NGF: variants seen among roughly 807,000 people sequenced by gnomAD.
NGF encodes the protein beta-nerve growth factor.
A neutral mutation model predicts 12.8 loss-of-function variants in NGF; 4 were observed. The ratio of observed to expected loss-of-function variants is 0.31; its 90% CI spans 0.15 to 0.72. The LOEUF (loss-of-function observed/expected upper bound fraction) is 0.72, where lower values mean the gene tolerates loss of function less well. NGF is among the 30% of genes least tolerant of loss of function. The pLI, the probability that NGF is intolerant of heterozygous loss-of-function variation, is 0.69. For missense variants in NGF, 283 were observed against 330.8 expected (o/e 0.86, Z 1.12); for synonymous variants, 140 against 130.0 (o/e 1.08, Z -0.52).
At chr1:115,330,431 C>G (rs151337347) in intron 1 of NGF, among the ~76,000 whole-genome samples, 152 of 152,336 alleles carry the variant, frequency 1.0e-3, no homozygotes, top group African/African-American at 3.5e-3. Context: ...CAGTCGCCAT[C>G]TAACAATAAA....
intron 1 of NGF, among the ~76,000 whole-genome samples, chr1:115,314,854 C>A (rs978233806): frequency 6.6e-6 from 1 of 152,034 alleles, no homozygotes; most frequent in Non-Finnish European, 1.5e-5. Context: ...CAGGAAATGT[C>A]CGTTGGTGAT....
In NGF at chr1:115,286,352, G is replaced by T; in HGVS notation, c.444C>A (p.Thr148=). The T allele has an allele frequency of 2.5e-6, 4 of 1,614,060 alleles. No homozygotes were observed. The highest frequency in any genetic ancestry group is 3.4e-6 in the Non-Finnish European group (4 of 1,180,020). The part of the protein sequence containing the change: ...SVSVWVGDKT[T]ATDIKGKEVM... The stretch of plus-strand genomic sequence containing the variant: ...CCTCCTTGCCCTTGATGTCTGTGGC[G>T]GTGGTCTTATCCCCAACCCACACGC... Residue 148 remains threonine, a synonymous_variant, in exon 3 of 3, where the codon ACC becomes ACA. Transcript: ENST00000369512.
chr1:115,289,791 G>A (rs1327004006), intron 2 of NGF, among the ~76,000 whole-genome samples: 1 of 151,944 alleles, frequency 6.6e-6, no homozygotes, highest in African/African-American at 2.4e-5. Context: ...TTCTGTTACT[G>A]GAACCATCAT....
At chr1:115,333,837 CTTTCT>C (rs1279397023) in intron 1 of NGF, among the ~76,000 whole-genome samples, 2 of 146,882 alleles carry the variant, frequency 1.4e-5, no homozygotes, top group East Asian at 2.0e-4. Context: ...TTCTCTCTCT[CTTTCT>C]TTTCTTTTCT....
intron 1 of NGF, among the ~76,000 whole-genome samples, chr1:115,336,769 C>T (rs982904963): frequency 6.6e-6 from 1 of 152,210 alleles, no homozygotes; most frequent in African/African-American, 2.4e-5. Flanking sequence ...TTCCAGCAGA[C>T]TTAACTGACG....
intron 1 of NGF, among the ~76,000 whole-genome samples, chr1:115,297,748 C>T (rs576314990): frequency 2.4e-4 from 37 of 152,196 alleles, no homozygotes; most frequent in Non-Finnish European, 4.1e-4. Context: ...ACTGGCTCCC[C>T]CTTTCTACTG....
At position 115,286,357 on chromosome 1, in the gene NGF, T is replaced by A. The variant is rs1571069577; in HGVS notation, c.439A>T (p.Thr147Ser). 1 of 1,613,844 alleles carries A rather than the reference T, an allele frequency of 6.2e-7. No individual in the cohort carries two copies. The highest frequency in any genetic ancestry group is 1.3e-5 in the African/African-American group (1 of 74,950). Reference sequence around the variant, plus strand: ...TTGCCCTTGATGTCTGTGGCGGTGGTCTTATCCCCAACCCACACGCTGACA... The same window carrying A: ...TTGCCCTTGATGTCTGTGGCGGTGGACTTATCCCCAACCCACACGCTGACA... ...DSVSVWVGDK[T>S]TATDIKGKEV... Residue 147 changes from threonine (T) to serine (S), a missense_variant, in exon 3 of 3, where the codon ACC (threonine) becomes TCC (serine). Transcript: ENST00000369512.
At chr1:115,297,749 C>G (rs72699549) in intron 1 of NGF, among the ~76,000 whole-genome samples, 4,177 of 152,318 alleles carry the variant, frequency 0.027, 91 homozygotes, top group Non-Finnish European at 0.045. Context: ...CTGGCTCCCC[C>G]TTTCTACTGT....
At chr1:115,337,267 G>GTTTGTTTGTT in intron 1 of NGF, among the ~76,000 whole-genome samples, 2 of 81,030 alleles carry the variant, frequency 2.5e-5, no homozygotes, top group African/African-American at 5.3e-5. Context: ...TTTTGTTTTT[G>GTTTGTTTGTT]TTTTTTTTTT....
At chr1:115,295,797 A>G (rs1274127925) in intron 1 of NGF, among the ~76,000 whole-genome samples, 1 of 152,106 alleles carries the variant, frequency 6.6e-6, no homozygotes, top group Non-Finnish European at 1.5e-5. Flanking sequence ...ATGCTTAAGT[A>G]GTGCTTTCTC....
At chr1:115,320,803 A>G (rs1215941734) in intron 1 of NGF, among the ~76,000 whole-genome samples, 1 of 152,248 alleles carries the variant, frequency 6.6e-6, no homozygotes, top group Non-Finnish European at 1.5e-5. Flanking sequence ...TCTACAAAGC[A>G]GAAGGAGGTG....
At chr1:115,300,616 C>G (rs1158407219) in intron 1 of NGF, among the ~76,000 whole-genome samples, 2 of 152,264 alleles carry the variant, frequency 1.3e-5, no homozygotes, top group Non-Finnish European at 2.9e-5. Context: ...GCGTCTTGAG[C>G]TCCCTTGCTC....
chr1:115,286,241 A>G lies in NGF; in HGVS notation c.555T>C (p.Val185=), dbSNP rs1653494694. The change falls in exon 3 of 3, where the codon GTT becomes GTC. Residue 185 remains valine, a synonymous_variant. Coordinates refer to ENST00000369512, the MANE Select transcript of NGF (RefSeq NM_002506.3). ...AGTCAATGCCCCGGCACCCGCTGTC[A>G]ACGGGATTTGGGTCCCGGCACTTGG... ...FETKCRDPNP[V]DSGCRGIDSK... is the part of the protein sequence containing the mutation. 2.5e-6 allele frequency: 4 copies of G among 1,614,080 alleles called. No individual in the cohort carries two copies. In the African/African-American group the frequency reaches 5.3e-5, roughly 22 times the overall value.
intron 1 of NGF, among the ~76,000 whole-genome samples, chr1:115,315,300 C>T (rs754242456): frequency 6.6e-6 from 1 of 152,118 alleles, no homozygotes; most frequent in Non-Finnish European, 1.5e-5. Context: ...GAAGAGAAAC[C>T]GGAAGATCAG....
rs116287227 is a variant in NGF, at chr1:115,289,382, A to G, written c.-12-2575T>C. 3.6e-3 allele frequency among the ~76,000 whole-genome samples: 542 copies of G among 152,286 alleles called. 7 individuals carry two copies. Among genetic ancestry groups the G allele is most frequent in the African/African-American group, 0.012 (511 of 41,556 alleles). On this transcript the variant is annotated intron_variant, in intron 2 of 2. Transcript: ENST00000369512. ...TAAATAAAAGGGTTTCGATGGACAT[A>G]AGGGACATACCTCTCCCTATTCCCC...
intron 1 of NGF, among the ~76,000 whole-genome samples, chr1:115,315,995 C>G (rs1439161421): frequency 6.6e-6 from 1 of 152,138 alleles, no homozygotes; most frequent in Non-Finnish European, 1.5e-5. Context: ...ATTAAGCAAA[C>G]CATTCATCAG....
chr1:115,333,974 A>C (rs1214036108), intron 1 of NGF, among the ~76,000 whole-genome samples: 1 of 151,932 alleles, frequency 6.6e-6, no homozygotes, highest in Admixed American at 6.6e-5. Flanking sequence ...TACCCTCTGA[A>C]GACATTATTC....
chr1:115,312,436 C>A, intron 1 of NGF, among the ~76,000 whole-genome samples: 1 of 151,908 alleles, frequency 6.6e-6, no homozygotes, highest in African/African-American at 2.4e-5. Context: ...AAGTAATAAA[C>A]AATATAGCAG....
At chr1:115,304,210 T>G (rs60533758) in intron 1 of NGF, among the ~76,000 whole-genome samples, 4,046 of 152,106 alleles carry the variant, frequency 0.027, 169 homozygotes, top group African/African-American at 0.093. Flanking sequence ...TTGCCCAGGC[T>G]GTAGTGCAGT....
Sources: gnomAD v4.1 joint callset for allele counts (sites outside exome capture counted in the v4.1 genomes callset) on GRCh38, gnomAD v4.1.1 for gene constraint, MANE v1.5 for transcripts, NCBI Gene and HGNC (gene_info 2026-07-23, HGNC 2026-07-21) for gene names.